Variants in MARCO observed in about 807,000 individuals in gnomAD.
MARCO encodes the protein macrophage receptor with collagenous structure, also known as macrophage receptor MARCO.
Under a neutral mutation model 70.0 loss-of-function variants are expected in MARCO, and 72 were observed. The ratio of observed to expected loss-of-function variants is 1.03; its 90% CI spans 0.85 to 1.25. The LOEUF is 1.25. Ranked by LOEUF, MARCO falls within the 50% of genes most tolerant of loss-of-function variation. The pLI, the probability that MARCO is intolerant of heterozygous loss-of-function variation, is 0.00. For missense variants in MARCO, 696 were observed against 659.3 expected, an observed-to-expected ratio of 1.06 and a Z score of -0.61; for synonymous variants, 273 against 243.1, an observed-to-expected ratio of 1.12 and a Z score of -1.14.
At chr2:118,963,260 T>A (rs915699303) in intron 1 of MARCO, among the ~76,000 whole-genome samples, 1 of 151,802 alleles carries the variant, frequency 6.6e-6, no homozygotes, top group Non-Finnish European at 1.5e-5. Context: ...AGCTGCTTTT[T>A]TTTATCCCAT....
rs761516640 is a variant in MARCO at position 118,971,487 on chromosome 2, C to T, written c.425-12C>T. The T allele has an allele frequency of 3.1e-6, 5 of 1,613,900 alleles. No homozygotes were observed. Among genetic ancestry groups the T allele is most frequent in the Non-Finnish European group, 4.2e-6 (5 of 1,179,896 alleles). On this transcript the variant is annotated splice_polypyrimidine_tract_variant and intron_variant, in intron 3 of 16. Coordinates refer to ENST00000327097, the MANE Select transcript of MARCO (RefSeq NM_006770.4). ...CACAGCTCAGCTGCAGCTCACTCTCCTTCCCTTGCAGGGATGTTCAGAATC... is the reference window on the plus strand; with the variant it reads ...CACAGCTCAGCTGCAGCTCACTCTCTTTCCCTTGCAGGGATGTTCAGAATC...
intron 1 of MARCO, among the ~76,000 whole-genome samples, chr2:118,947,227 A>T (rs1487411033): frequency 6.6e-6 from 1 of 152,190 alleles, no homozygotes; most frequent in African/African-American, 2.4e-5. Context: ...CAAGTCTAAG[A>T]GTTCTTTAGC....
intron 8 of MARCO, 98 bp from the exon 9 acceptor site, chr2:118,981,311 G>A (rs920139335): frequency 9.9e-5 from 77 of 781,388 alleles, no homozygotes; most frequent in Non-Finnish European, 1.4e-4. Flanking sequence ...AAGGAGTTTA[G>A]GGTTTGGGAT....
intron 1 of MARCO, among the ~76,000 whole-genome samples, chr2:118,947,507 G>A (rs554670305): frequency 2.6e-5 from 4 of 152,208 alleles, no homozygotes; most frequent in South Asian, 2.1e-4. Flanking sequence ...CTCGTATAAC[G>A]TATAATGTGT....
chr2:118,956,174 G>T (rs991380281), intron 1 of MARCO, among the ~76,000 whole-genome samples: 4 of 152,132 alleles, frequency 2.6e-5, no homozygotes, highest in African/African-American at 9.7e-5. Context: ...TGGCCTAAAT[G>T]CTCCACTTAA....
chr2:118,981,516 G>A lies in MARCO; in HGVS notation c.865+9G>A. 6.2e-7 allele frequency: 1 copy of A among 1,601,418 alleles called. No homozygotes were observed. Among genetic ancestry groups the A allele is most frequent in the South Asian group, 1.1e-5 (1 of 89,378 alleles). ...GAGGCCAGGCCCACCAGGTAAGAGG[G>A]CACGTGGTCACATCCACTGACCTCT... On this transcript the variant is annotated intron_variant, in intron 9 of 16. Coordinates refer to ENST00000327097, the MANE Select transcript of MARCO (RefSeq NM_006770.4).
chr2:118,969,472 G>C (rs1471487225), intron 2 of MARCO, among the ~76,000 whole-genome samples: 1 of 152,212 alleles, frequency 6.6e-6, no homozygotes, highest in Non-Finnish European at 1.5e-5. Flanking sequence ...GAGGGAGAGA[G>C]AGAGACATTG....
In MARCO at chr2:118,991,816, T is replaced by C; in HGVS notation, c.1148T>C (p.Leu383Pro). ...AAGGGAGAACAGGGGAGCCCAGGGCTGGCAGGTCCCAAGGGAGCCCCTGGA... is the reference window on the plus strand; with the variant it reads ...AAGGGAGAACAGGGGAGCCCAGGGCCGGCAGGTCCCAAGGGAGCCCCTGGA... ...GVKGEQGSPG[L>P]AGPKGAPGQA... is the part of the protein sequence containing the mutation. Residue 383 changes from leucine to proline, a missense_variant, in exon 14 of 17, where the codon CTG becomes CCG. Around this residue, in one of 3 missense-constraint regions of MARCO, gnomAD observed 605 missense variants for 537.6 expected, o/e 1.13. Coordinates refer to ENST00000327097, the MANE Select transcript of MARCO (RefSeq NM_006770.4). 1 of 1,600,322 alleles carries C rather than the reference T, an allele frequency of 6.2e-7. No individual in the cohort carries two copies. Among genetic ancestry groups the C allele is most frequent in the Non-Finnish European group, 8.5e-7 (1 of 1,174,656 alleles).
At position 118,993,141 on chromosome 2, in the gene MARCO, G is replaced by A. The variant is rs773925484; in HGVS notation, c.1270G>A (p.Val424Ile). ...KGERGENSVS[V>I]RIVGSSNRGR... is the part of the protein sequence containing the mutation. ...TCACCCAGGTGAAAACTCAGTGTCCGTCAGGATTGTCGGCAGTAGTAACCG... is the reference window on the plus strand; with the variant it reads ...TCACCCAGGTGAAAACTCAGTGTCCATCAGGATTGTCGGCAGTAGTAACCG... Residue 424 changes from valine to isoleucine, a missense_variant, in exon 16 of 17, where the codon GTC becomes ATC. This residue lies in a region of MARCO where 605 missense variants were observed against 537.6 expected (regional missense o/e 1.13). Coordinates refer to ENST00000327097, the MANE Select transcript of MARCO (RefSeq NM_006770.4). 44 of 1,614,116 alleles carry A rather than the reference G, an allele frequency of 2.7e-5. No homozygotes were observed. The African/African-American group carries it at 2.8e-4, about 10-fold the overall frequency.
chr2:118,992,549 G>A (rs1447038846), intron 15 of MARCO, 73 bp downstream of exon 15: 2 of 1,291,766 alleles, frequency 1.5e-6, no homozygotes, highest in Non-Finnish European at 1.1e-6. Flanking sequence ...TGTGTGTTGG[G>A]GGAAGAGACC....
intron 16 of MARCO, 126 bp downstream of exon 16, chr2:118,993,426 C>A: frequency 1.1e-6 from 1 of 929,064 alleles, no homozygotes; most frequent in Non-Finnish European, 1.6e-6. Flanking sequence ...TCCAAGCAAC[C>A]AAAAAGCTCT....
chr2:118,966,793 TAGTGCTGTCCAAAAAC>T (rs1680059700), intron 1 of MARCO, among the ~76,000 whole-genome samples: 1 of 152,212 alleles, frequency 6.6e-6, no homozygotes, highest in African/African-American at 2.4e-5. Flanking sequence ...TCATAAAATT[TAGTGCTGTCCAAAAAC>T]AGTGCTGTCC....
chr2:118,963,442 G>A (rs1025960456), intron 1 of MARCO, among the ~76,000 whole-genome samples: 2 of 151,694 alleles, frequency 1.3e-5, no homozygotes, highest in Non-Finnish European at 2.9e-5. Context: ...TGTATTATTG[G>A]CAAATAAGGT....
rs1239714164 is a variant in MARCO, at chr2:118,986,679, AAG to A, written c.1064-3908_1064-3907del. Among the ~76,000 whole-genome samples, 29 of 58,412 alleles carry A rather than the reference AAG, an allele frequency of 5.0e-4. 3 individuals carry two copies. Among genetic ancestry groups the A allele is most frequent in the African/African-American group, 1.5e-3 (21 of 13,970 alleles). The allele number at this position is 58,412 out of a possible 152,430, so 38.3% of individuals were successfully genotyped here. A position where few individuals can be genotyped will look rare whatever the true frequency, so the allele number is the denominator to read the frequency against. On this transcript the variant is annotated intron_variant, in intron 12 of 16. Transcript: ENST00000327097. The stretch of plus-strand genomic sequence containing the variant: ...AAGGAAGGAAGGAAGGAAGGAAAGA[AAG>A]AAAGAAAGAAAGAAAGAAAGAAAGA...
chr2:118,948,499 T>C (rs902930527), intron 1 of MARCO, among the ~76,000 whole-genome samples: 1 of 152,192 alleles, frequency 6.6e-6, no homozygotes, highest in Non-Finnish European at 1.5e-5. Flanking sequence ...AGCAGTTACA[T>C]AGGCTAGGGC....
rs371901066 is a variant in MARCO, at chr2:118,974,598, C to T, written c.613+33C>T. ...GGTGCTGGGTATGTACCCAGAAATA[C>T]ACAGCAAGTTTCTCAGAGTGACTGC... On this transcript the variant is annotated intron_variant, in intron 6 of 16. Coordinates refer to ENST00000327097, the MANE Select transcript of MARCO (RefSeq NM_006770.4). 1.4e-5 allele frequency: 22 copies of T among 1,602,294 alleles called. No homozygotes were observed. The African/African-American group carries it at 2.7e-4, about 19-fold the overall frequency.
At chr2:118,952,978 G>A (rs1679753344) in intron 1 of MARCO, 1 of 152,202 alleles carries the variant, frequency 6.6e-6, no homozygotes, top group African/African-American at 2.4e-5. Context: ...ACAATGGCAG[G>A]AGAACACTTG....
chr2:118,953,392 T>G (rs556077937), intron 1 of MARCO, among the ~76,000 whole-genome samples: 74 of 152,256 alleles, frequency 4.9e-4, no homozygotes, highest in Non-Finnish European at 8.7e-4. Flanking sequence ...AACTTTTTAC[T>G]TTCTACATTT....
At chr2:118,966,786 T>C (rs1049696318) in intron 1 of MARCO, among the ~76,000 whole-genome samples, 1 of 152,234 alleles carries the variant, frequency 6.6e-6, no homozygotes, top group Non-Finnish European at 1.5e-5. Flanking sequence ...GTTTGTTTCA[T>C]AAAATTTAGT....
Sources: allele counts gnomAD v4.1 joint callset (sites outside exome capture counted in the v4.1 genomes callset), GRCh38; gene constraint gnomAD v4.1.1; regional missense constraint gnomAD v4.1.1; transcripts MANE v1.5; gene names NCBI Gene and HGNC (gene_info 2026-07-23, HGNC 2026-07-21).